CACNB2: variants seen among roughly 807,000 people sequenced by gnomAD.
The protein encoded by CACNB2 is voltage-dependent L-type calcium channel subunit beta-2.
In CACNB2, 42 loss-of-function variants were observed where a neutral mutation model predicts 73.3. The observed-to-expected ratio is 0.57, with a 90% CI of 0.45 to 0.74. The LOEUF (loss-of-function observed/expected upper bound fraction) is 0.74. Ranked by LOEUF, CACNB2 falls within the 30% of genes least tolerant of loss-of-function variation. The pLI, the probability that CACNB2 is intolerant of heterozygous loss-of-function variation, is 0.00. For synonymous variants in CACNB2, 348 were observed against 310.3 expected, an observed-to-expected ratio of 1.12 and a Z score of -1.28; for missense variants, 940 against 853.0, an observed-to-expected ratio of 1.10 and a Z score of -1.27.
chr10:18,292,570 C>T (rs998482064), intron 2 of CACNB2, among the ~76,000 whole-genome samples: 1 of 152,142 alleles, frequency 6.6e-6, no homozygotes, highest in Admixed American at 6.5e-5. Context: ...GCAGAAGAAT[C>T]GCTTGAACCC....
rs1255301073 is a variant in CACNB2 at position 18,152,728 on chromosome 10, AAAAACAAAAAAC to A, written c.213+1760_213+1771del. The stretch of plus-strand genomic sequence containing the variant: ...ACAGACCAAAAAAAAAAAAAAAAAA[AAAAACAAAAAAC>A]AAAACACTAGCTCCTTAGTGTGCAT... On this transcript the variant is annotated intron_variant, in intron 2 of 13. Coordinates refer to ENST00000324631, the MANE Select transcript of CACNB2 (RefSeq NM_201596.3). Among the ~76,000 whole-genome samples the A allele has an allele frequency of 9.5e-3, 1,077 of 113,884 alleles. 11 individuals are homozygous for A. The highest frequency in any genetic ancestry group is 0.013 in the African/African-American group (315 of 23,744). 74.7% of individuals were successfully genotyped at this position (113,884 alleles called of 152,430 possible). A position where few individuals can be genotyped will look rare whatever the true frequency, so the allele number is the denominator to read the frequency against.
chr10:18,264,676 C>T (rs1288865237), intron 2 of CACNB2, among the ~76,000 whole-genome samples: 2 of 152,226 alleles, frequency 1.3e-5, no homozygotes, highest in African/African-American at 4.8e-5. Context: ...TATTAACCCA[C>T]GTGGCTGCAC....
intron 2 of CACNB2, among the ~76,000 whole-genome samples, chr10:18,277,928 C>A (rs1466587509): frequency 6.6e-6 from 1 of 152,084 alleles, no homozygotes; most frequent in African/African-American, 2.4e-5. Flanking sequence ...GAACCAGTTT[C>A]CTATAACCAG....
intron 2 of CACNB2, among the ~76,000 whole-genome samples, chr10:18,277,085 C>G (rs1391119351): frequency 6.6e-6 from 1 of 152,120 alleles, no homozygotes; most frequent in Non-Finnish European, 1.5e-5. Context: ...CCACTGCACT[C>G]CAGCCTGAGG....
At chr10:18,186,328 A>G (rs1442682283) in intron 2 of CACNB2, among the ~76,000 whole-genome samples, 1 of 152,058 alleles carries the variant, frequency 6.6e-6, no homozygotes, top group African/African-American at 2.4e-5. Flanking sequence ...CTGAGGCAAG[A>G]GAATTGCTTG....
chr10:18,220,109 TAATATATA>T (rs1306700665), intron 2 of CACNB2, among the ~76,000 whole-genome samples: 2 of 32,174 alleles, frequency 6.2e-5, no homozygotes, highest in South Asian at 1.1e-3. Context: ...TTTTATTTTT[TAATATATA>T]TATATATATA....
At chr10:18,227,912 C>G (rs1175442282) in intron 2 of CACNB2, among the ~76,000 whole-genome samples, 1 of 152,158 alleles carries the variant, frequency 6.6e-6, no homozygotes, top group African/African-American at 2.4e-5. Context: ...TCACTTTTGT[C>G]TCCACTCCAA....
intron 2 of CACNB2, among the ~76,000 whole-genome samples, chr10:18,158,392 T>G (rs1334450993): frequency 6.6e-6 from 1 of 152,200 alleles, no homozygotes; most frequent in Admixed American, 6.6e-5. Flanking sequence ...GAATATTATT[T>G]TCAAATTGTT....
chr10:18,198,725 T>C (rs1005480893), intron 2 of CACNB2, among the ~76,000 whole-genome samples: 33 of 152,290 alleles, frequency 2.2e-4, no homozygotes, highest in South Asian at 6.2e-4. Flanking sequence ...GCCCACACTT[T>C]TACTTCCACG....
intron 3 of CACNB2, among the ~76,000 whole-genome samples, chr10:18,485,544 G>T (rs1337273844): frequency 6.8e-6 from 1 of 147,862 alleles, no homozygotes; most frequent in Non-Finnish European, 1.5e-5. Flanking sequence ...CTTTTCTATA[G>T]TCCCTCTCTC....
intron 2 of CACNB2, among the ~76,000 whole-genome samples, chr10:18,351,608 G>A (rs990657456): frequency 6.6e-6 from 1 of 152,096 alleles, no homozygotes; most frequent in African/African-American, 2.4e-5. Flanking sequence ...AAACCAGATG[G>A]TCTGTACAAG....
intron 2 of CACNB2, among the ~76,000 whole-genome samples, chr10:18,219,149 A>AG (rs1295201172): frequency 6.6e-6 from 1 of 151,648 alleles, no homozygotes; most frequent in African/African-American, 2.4e-5. Flanking sequence ...TGGGCAACAG[A>AG]GCAAGACCCT....
intron 2 of CACNB2, among the ~76,000 whole-genome samples, chr10:18,192,897 T>C (rs1461528150): frequency 2.0e-5 from 3 of 152,242 alleles, no homozygotes; most frequent in African/African-American, 7.2e-5. Flanking sequence ...CATCCACTGA[T>C]GGACATGGGC....
intron 2 of CACNB2, among the ~76,000 whole-genome samples, chr10:18,356,217 G>C (rs1319159832): frequency 2.0e-5 from 3 of 152,050 alleles, no homozygotes; most frequent in Non-Finnish European, 4.4e-5. Context: ...CTCTGCTCCT[G>C]CTTTTTTCTG....
chr10:18,518,558 T>C, intron 8 of CACNB2, 142 bp downstream of exon 8: 1 of 736,746 alleles, frequency 1.4e-6, no homozygotes, highest in Non-Finnish European at 2.5e-6. Context: ...CAGCAAAGCC[T>C]GTTGTTCTGC....
At chr10:18,494,823 G>C (rs1243478521) in intron 3 of CACNB2, among the ~76,000 whole-genome samples, 1 of 151,894 alleles carries the variant, frequency 6.6e-6, no homozygotes, top group Non-Finnish European at 1.5e-5. Context: ...ATCCTTAGGA[G>C]GCTGAGGGGG....
At chr10:18,457,618 C>T (rs1319678684) in intron 3 of CACNB2, among the ~76,000 whole-genome samples, 1 of 152,018 alleles carries the variant, frequency 6.6e-6, no homozygotes, top group Admixed American at 6.6e-5. Flanking sequence ...GGGCCGGTCG[C>T]GGTGGCTCAT....
At chr10:18,418,787 G>C (rs189810381) in intron 3 of CACNB2, among the ~76,000 whole-genome samples, 3 of 152,286 alleles carry the variant, frequency 2.0e-5, no homozygotes, top group Admixed American at 2.0e-4. Flanking sequence ...TTTGACACCA[G>C]TATCATGGTC....
intron 2 of CACNB2, among the ~76,000 whole-genome samples, chr10:18,199,641 G>A (rs142707013): frequency 1.3e-5 from 2 of 152,312 alleles, no homozygotes; most frequent in Admixed American, 6.5e-5. Context: ...TATACCAGAT[G>A]TTCAGTTTAA....
Sources: allele counts gnomAD v4.1 joint callset (sites outside exome capture counted in the v4.1 genomes callset), GRCh38; gene constraint gnomAD v4.1.1; transcripts MANE v1.5; gene names NCBI Gene and HGNC (gene_info 2026-07-23, HGNC 2026-07-21).